ZNF280C: variants seen among roughly 807,000 people sequenced by gnomAD.
The protein encoded by ZNF280C is suppressor of hairy wing homolog 3.
ZNF280C carries 14 observed loss-of-function variants against 53.6 expected under a neutral mutation model. That is an observed-to-expected ratio of 0.26 (90% CI 0.17 to 0.41). The LOEUF (loss-of-function observed/expected upper bound fraction) is 0.41. ZNF280C is among the 10% of genes least tolerant of loss of function. The probability of loss-of-function intolerance (pLI) is 1.00; values close to 1 mark genes in which losing one functional copy is unlikely to be tolerated. For missense variants in ZNF280C, 416 were observed against 547.1 expected (o/e 0.76, Z 2.39); for synonymous variants, 203 against 181.1 (o/e 1.12, Z -0.97).
intron 8 of ZNF280C, among the ~76,000 whole-genome samples, chrX:130,232,085 T>C (rs2032283732): frequency 9.3e-6 from 1 of 107,917 alleles, no homozygotes; most frequent in African/African-American, 3.4e-5. Flanking sequence ...AGCTTGATTA[T>C]CAAATAACAC....
chrX:130,203,239 A>G lies in ZNF280C; in HGVS notation c.*1738T>C, dbSNP rs2031933074. ...AGAAGAGTTCAAAAGTAGACATAAA[A>G]TGGACATCAGCAAATTTCATGAATC... On this transcript the variant is annotated 3_prime_UTR_variant, in exon 19 of 19. Transcript: ENST00000370978. 1 of 112,287 alleles carries G rather than the reference A, an allele frequency of 8.9e-6. No individual in the cohort carries two copies. Among genetic ancestry groups the G allele is most frequent in the African/African-American group, 3.2e-5 (1 of 30,944 alleles). The allele number at this position is 112,287 out of a possible 1,213,427, so 9.3% of individuals were successfully genotyped here. A position where few individuals can be genotyped will look rare whatever the true frequency, so the allele number is the denominator to read the frequency against.
intron 7 of ZNF280C, 34 bp downstream of exon 7, chrX:130,236,432 ATAC>A (rs1218348955): frequency 3.0e-5 from 34 of 1,140,449 alleles, no homozygotes; most frequent in African/African-American, 3.7e-5. Context: ...TATAAAAATA[ATAC>A]TATTTTTTTT....
chrX:130,205,875 TAA>T (rs147621506), intron 16 of ZNF280C, among the ~76,000 whole-genome samples: 27 of 85,562 alleles, frequency 3.2e-4, no homozygotes, highest in Admixed American at 5.2e-4. Flanking sequence ...GAGACTATGT[TAA>T]AAAAAAAAAA....
chrX:130,261,056 T>C (rs887448262), intron 1 of ZNF280C, among the ~76,000 whole-genome samples: 2 of 112,090 alleles, frequency 1.8e-5, no homozygotes, highest in Non-Finnish European at 3.8e-5. Context: ...AGAAAAGTAA[T>C]TGGATAAATT....
In ZNF280C at chrX:130,239,615, G is replaced by C. The variant is rs1276672014; in HGVS notation, c.460C>G (p.Pro154Ala). 1 of 1,200,770 alleles carries C rather than the reference G, an allele frequency of 8.3e-7. No homozygotes were observed. Among genetic ancestry groups the C allele is most frequent in the African/African-American group, 1.7e-5 (1 of 57,676 alleles). ...AAAATTGCTGGTATGTCTTGGGATG[G>C]TGGTAGTGATTCCTGGGTCGAGTCA... is the stretch of plus-strand genomic sequence containing the variant. ...LFDSTQESLP[P>A]SQDIPAIFRE... is the part of the protein sequence containing the mutation. Residue 154 changes from proline (P) to alanine (A), a missense_variant, in exon 6 of 19, where the codon CCA becomes GCA. Physicochemically the swap from Pro to Ala is conservative, Grantham distance 27. Coordinates refer to ENST00000370978, the MANE Select transcript of ZNF280C (RefSeq NM_017666.5).
At chrX:130,233,850 TTAAA>T (rs1255009494) in intron 8 of ZNF280C, among the ~76,000 whole-genome samples, 6 of 109,670 alleles carry the variant, frequency 5.5e-5, no homozygotes, top group Admixed American at 2.0e-4. Context: ...CAATAAAGTG[TTAAA>T]TAAAGACAAG....
chrX:130,234,535 T>C (rs979134333), intron 8 of ZNF280C, among the ~76,000 whole-genome samples: 5 of 112,514 alleles, frequency 4.4e-5, no homozygotes, highest in African/African-American at 1.3e-4. Context: ...ATTCCTTTTT[T>C]GTAAAATGCT....
intron 2 of ZNF280C, among the ~76,000 whole-genome samples, chrX:130,259,400 CACT>C (rs1463250923): frequency 1.8e-5 from 2 of 112,101 alleles, no homozygotes; most frequent in Non-Finnish European, 3.8e-5. Context: ...ATGTTGACAC[CACT>C]GTGATATTAT....
At position 130,215,839 on chromosome X, in the gene ZNF280C, C is replaced by T. The variant is rs1162803764; in HGVS notation, c.1790G>A (p.Arg597Gln). 13 of 1,208,183 alleles carry T rather than the reference C, an allele frequency of 1.1e-5. No homozygotes were observed. In the African/African-American group the frequency reaches 1.4e-4, roughly 13 times the overall value. The change falls in exon 14 of 19, where the codon CGA becomes CAA. Residue 597 changes from arginine to glutamine, a missense_variant. By Grantham distance (43) the Arg-to-Gln change is conservative. Around this residue, in one of 3 missense-constraint regions of ZNF280C, gnomAD observed 151 missense variants for 176.9 expected, o/e 0.85. Transcript: ENST00000370978. ...SKAKPSYKQK[R>Q]QRNRKNKMSL... ...CATTTTATTTTTTCTGTTGCGCTGT[C>T]GCTTTTGCTTGTAAGAGGGTTTTGC...
chrX:130,220,419 G>C lies in ZNF280C; in HGVS notation c.1457C>G (p.Ala486Gly). The change falls in exon 13 of 19, where the codon GCT (alanine) becomes GGT (glycine). Residue 486 changes from alanine (A) to glycine (G), a missense_variant. Coordinates refer to ENST00000370978, the MANE Select transcript of ZNF280C (RefSeq NM_017666.5). The part of the protein sequence containing the change: ...RLQFLTSKEK[A>G]EHKAQHRTFI... ...TGTACGATGCTGCGCCTTATGTTCA[G>C]CTTTCTCCTTGCTGGTCAAAAATTG... is the stretch of plus-strand genomic sequence containing the variant. The C allele has an allele frequency of 8.3e-7, 1 of 1,203,160 alleles. No homozygotes were observed. Among genetic ancestry groups the C allele is most frequent in the Non-Finnish European group, 1.1e-6 (1 of 891,444 alleles).
intron 2 of ZNF280C, among the ~76,000 whole-genome samples, chrX:130,249,970 T>C (rs2032490258): frequency 8.9e-6 from 1 of 111,883 alleles, no homozygotes; most frequent in South Asian, 3.7e-4. Flanking sequence ...AGAACGTAAC[T>C]GACCTGATAG....
Position 130,205,140 on chromosome X carries a change from G to A in ZNF280C, c.2175C>T (p.Thr725=), listed in dbSNP as rs2031958267. 2.5e-6 allele frequency: 3 copies of A among 1,200,935 alleles called. No homozygotes were observed. The South Asian group carries it at 5.5e-5, about 22-fold the overall frequency. The change falls in exon 18 of 19, where the codon ACC becomes ACT. Residue 725 remains threonine (T), a synonymous_variant. Coordinates refer to ENST00000370978, the MANE Select transcript of ZNF280C (RefSeq NM_017666.5). ...ACCCAGTAGTGGGTTCAGAAGTTGA[G>A]GTACTTTTGGAAACTGAAATCAAAA... ...QVIIENVSKS[T]STSEPTTGCS... is the part of the protein sequence containing the mutation.
chrX:130,267,669 G>A lies in ZNF280C; in HGVS notation c.-17+1093C>T, dbSNP rs149325719. 8.3e-3 allele frequency among the ~76,000 whole-genome samples: 929 copies of A among 112,117 alleles called. 12 individuals are homozygous for A. The highest frequency in any genetic ancestry group is 0.028 in the African/African-American group (875 of 30,836). On this transcript the variant is annotated intron_variant, in intron 1 of 18. Coordinates refer to ENST00000370978, the MANE Select transcript of ZNF280C (RefSeq NM_017666.5). ...CAGCCCTAATTTTACAAGCAAATCA[G>A]TGCCTTTGTAGGCTCAGTGAAGTTT...
chrX:130,235,940 C>T (rs2032327276), intron 8 of ZNF280C, among the ~76,000 whole-genome samples: 1 of 111,970 alleles, frequency 8.9e-6, no homozygotes, highest in Non-Finnish European at 1.9e-5. Context: ...GTGACAACGT[C>T]CATTTGTCTT....
intron 1 of ZNF280C, among the ~76,000 whole-genome samples, chrX:130,264,699 G>A (rs2032670279): frequency 1.8e-5 from 2 of 110,541 alleles, no homozygotes; most frequent in Non-Finnish European, 3.8e-5. Context: ...ATATCAGTAG[G>A]TATGAAAAAC....
Position 130,215,950 on chromosome X carries a change from G to C in ZNF280C, c.1679C>G (p.Ser560Cys). 1 of 1,210,895 alleles carries C rather than the reference G, an allele frequency of 8.3e-7. No homozygotes were observed. Among genetic ancestry groups the C allele is most frequent in the Admixed American group, 2.2e-5 (1 of 45,904 alleles). The change falls in exon 14 of 19, where the codon TCT becomes TGT. Residue 560 changes from serine to cysteine, a missense_variant. By Grantham distance (112) the Ser-to-Cys change is moderately radical. Transcript: ENST00000370978. ...AGTTGCATGAAGCTTACTTGTCTTA[G>C]ATCTACTGGCATTAGATTTTCTAGG... ...RNPRKSNASR[S>C]KTSKLHATTS... is the part of the protein sequence containing the mutation.
chrX:130,256,791 C>T (rs928576309), intron 2 of ZNF280C, among the ~76,000 whole-genome samples: 4 of 106,772 alleles, frequency 3.7e-5, no homozygotes, highest in African/African-American at 6.9e-5. Flanking sequence ...CCCAGCTAGG[C>T]GGGAGGCTGA....
intron 2 of ZNF280C, among the ~76,000 whole-genome samples, chrX:130,254,424 T>C (rs2032544195): frequency 8.9e-6 from 1 of 112,015 alleles, no homozygotes; most frequent in African/African-American, 3.3e-5. Flanking sequence ...CCCAAAGGAA[T>C]GTAAACTCTT....
chrX:130,223,274 T>C (rs2032188454), intron 12 of ZNF280C, among the ~76,000 whole-genome samples: 2 of 111,362 alleles, frequency 1.8e-5, no homozygotes, highest in Non-Finnish European at 3.8e-5. Context: ...GCCAGGCTAG[T>C]CTCAAACTCC....
Sources: gnomAD v4.1 joint callset for allele counts (sites outside exome capture counted in the v4.1 genomes callset) on GRCh38, gnomAD v4.1.1 for gene constraint, gnomAD v4.1.1 regional missense constraint, MANE v1.5 for transcripts, NCBI Gene and HGNC (gene_info 2026-07-23, HGNC 2026-07-21) for gene names.